Variants in ANKS1B observed in about 807,000 individuals in gnomAD.
ANKS1B encodes the protein ankyrin repeat and sterile alpha motif domain containing 1B, also known as ankyrin repeat and sterile alpha motif domain-containing protein 1B.
A neutral mutation model predicts 148.3 loss-of-function variants in ANKS1B; 36 were observed. The observed-to-expected ratio is 0.24, with a 90% CI of 0.19 to 0.32. ANKS1B has a LOEUF of 0.32. Ranked by LOEUF, ANKS1B falls within the 10% of genes least tolerant of loss-of-function variation. The pLI, the probability that ANKS1B is intolerant of heterozygous loss-of-function variation, is 1.00. For synonymous variants in ANKS1B, 542 were observed against 560.8 expected (o/e 0.97, Z 0.47); for missense variants, 1,157 against 1,542.6 (o/e 0.75, Z 4.19).
chr12:99,378,032 T>C (rs2093462812), intron 12 of ANKS1B, among the ~76,000 whole-genome samples: 1 of 152,156 alleles, frequency 6.6e-6, no homozygotes, highest in South Asian at 2.1e-4. Flanking sequence ...GAGCCTCAAG[T>C]CAAAGATCAA....
At chr12:99,453,065 C>T (rs182072136) in intron 10 of ANKS1B, among the ~76,000 whole-genome samples, 27 of 152,140 alleles carry the variant, frequency 1.8e-4, no homozygotes, top group Admixed American at 6.5e-4. Context: ...CCAAGGTGGG[C>T]GGATCACAAG....
chr12:99,055,885 T>TA (rs1048953059), intron 16 of ANKS1B, among the ~76,000 whole-genome samples: 1 of 151,840 alleles, frequency 6.6e-6, no homozygotes, highest in Non-Finnish European at 1.5e-5. Flanking sequence ...GATTGGAAAA[T>TA]AAAAAAATAA....
intron 9 of ANKS1B, among the ~76,000 whole-genome samples, chr12:99,631,004 T>C (rs1397508668): frequency 6.6e-6 from 1 of 152,178 alleles, no homozygotes. Flanking sequence ...CTGATGGCTT[T>C]ATAAAGGGGA....
At chr12:99,786,072 C>T (rs897876681) in intron 4 of ANKS1B, among the ~76,000 whole-genome samples, 2 of 152,046 alleles carry the variant, frequency 1.3e-5, no homozygotes, top group Non-Finnish European at 2.9e-5. Context: ...TAATTTTGCT[C>T]ATTCTCATGC....
chr12:99,962,584 C>A (rs2095428334), intron 1 of ANKS1B, among the ~76,000 whole-genome samples: 2 of 152,152 alleles, frequency 1.3e-5, no homozygotes, highest in South Asian at 4.2e-4. Flanking sequence ...ATTGCTGGGT[C>A]AAATGGTATT....
rs186283444 is a variant in ANKS1B, at chr12:99,422,269, C to A, written c.1575+21404G>T. ...GACTGCTCATTCATGACTCTGTCATCTTCTCCACTTACCAGATTTAAGAGA... is the reference window on the plus strand; with the variant it reads ...GACTGCTCATTCATGACTCTGTCATATTCTCCACTTACCAGATTTAAGAGA... On this transcript the variant is annotated intron_variant, in intron 11 of 26. Transcript: ENST00000683438. Among the ~76,000 whole-genome samples the A allele has an allele frequency of 1.7e-4, 26 of 152,296 alleles. 1 individual carries two copies. Among genetic ancestry groups the A allele is most frequent in the Middle Eastern group, 3.4e-3 (1 of 294 alleles).
chr12:98,788,886 C>A (rs1410051562), intron 22 of ANKS1B, among the ~76,000 whole-genome samples: 2 of 152,204 alleles, frequency 1.3e-5, no homozygotes, highest in Admixed American at 6.5e-5. Flanking sequence ...CAAGTGATTT[C>A]CAAAAATCCT....
intron 10 of ANKS1B, among the ~76,000 whole-genome samples, chr12:99,482,203 A>G (rs2096421524): frequency 6.6e-6 from 1 of 151,728 alleles, no homozygotes; most frequent in Non-Finnish European, 1.5e-5. Context: ...GTTGATTTTT[A>G]TATGTGGTGA....
intron 4 of ANKS1B, among the ~76,000 whole-genome samples, chr12:99,803,965 A>T (rs2067280734): frequency 2.0e-5 from 3 of 152,224 alleles, no homozygotes; most frequent in Admixed American, 6.5e-5. Context: ...TGGGGCAGAG[A>T]TAGTTTTGGT....
At chr12:99,234,453 A>G (rs567787311) in intron 14 of ANKS1B, among the ~76,000 whole-genome samples, 2 of 152,294 alleles carry the variant, frequency 1.3e-5, no homozygotes, top group South Asian at 4.1e-4. Flanking sequence ...TCCTGGGAAT[A>G]CAGTGAATTT....
At chr12:99,190,909 C>G (rs2080583829) in intron 14 of ANKS1B, among the ~76,000 whole-genome samples, 1 of 151,950 alleles carries the variant, frequency 6.6e-6, no homozygotes, top group African/African-American at 2.4e-5. Context: ...GAACAGGCAA[C>G]CTACAGAATG....
intron 15 of ANKS1B, among the ~76,000 whole-genome samples, chr12:99,103,658 T>C (rs1464468416): frequency 6.6e-6 from 1 of 152,224 alleles, no homozygotes; most frequent in Non-Finnish European, 1.5e-5. Flanking sequence ...TTTCATCTTC[T>C]TCAACTTTTT....
chr12:99,572,492 T>G (rs912247679), intron 9 of ANKS1B, among the ~76,000 whole-genome samples: 2 of 152,046 alleles, frequency 1.3e-5, no homozygotes, highest in African/African-American at 4.8e-5. Flanking sequence ...CAATTTTATA[T>G]TTCAAATCAA....
intron 14 of ANKS1B, among the ~76,000 whole-genome samples, chr12:99,212,254 G>T (rs1255645415): frequency 6.6e-6 from 1 of 152,222 alleles, no homozygotes; most frequent in Admixed American, 6.5e-5. Context: ...GCCATGGTTT[G>T]GCTCAAACTT....
intron 11 of ANKS1B, among the ~76,000 whole-genome samples, chr12:99,417,924 G>A (rs2094959583): frequency 6.6e-6 from 1 of 152,188 alleles, no homozygotes; most frequent in African/African-American, 2.4e-5. Flanking sequence ...GGGGTAGGAT[G>A]ATATCTTCAA....
intron 15 of ANKS1B, among the ~76,000 whole-genome samples, chr12:99,141,923 A>G (rs2070978225): frequency 6.6e-6 from 1 of 152,154 alleles, no homozygotes; most frequent in African/African-American, 2.4e-5. Context: ...CCATGGAGCA[A>G]GCTTTCCCAT....
At chr12:99,671,944 T>C in intron 8 of ANKS1B, among the ~76,000 whole-genome samples, 1 of 152,148 alleles carries the variant, frequency 6.6e-6, no homozygotes. Flanking sequence ...TAATCTTTAA[T>C]AAACATATTA....
intron 19 of ANKS1B, among the ~76,000 whole-genome samples, chr12:98,822,723 G>A (rs1031920603): frequency 3.9e-5 from 6 of 152,112 alleles, no homozygotes; most frequent in African/African-American, 1.2e-4. Flanking sequence ...CTAGCAAAAC[G>A]ACTGGAGGTG....
At chr12:99,039,961 G>A (rs1364825383) in intron 17 of ANKS1B, among the ~76,000 whole-genome samples, 1 of 152,110 alleles carries the variant, frequency 6.6e-6, no homozygotes, top group African/African-American at 2.4e-5. Context: ...CTCTCAGGTG[G>A]CGTTTGTATT....
Sources: allele counts gnomAD v4.1 joint callset (sites outside exome capture counted in the v4.1 genomes callset), GRCh38; gene constraint gnomAD v4.1.1; transcripts MANE v1.5; gene names NCBI Gene and HGNC (gene_info 2026-07-23, HGNC 2026-07-21).